Variants in U2SURP observed in about 807,000 individuals in gnomAD.
U2SURP encodes U2 snRNP-associated SURP motif-containing protein.
In U2SURP, 9 loss-of-function variants were observed where a neutral mutation model predicts 144.9. The ratio of observed to expected loss-of-function variants is 0.06; its 90% CI spans 0.04 to 0.11. U2SURP has a LOEUF of 0.11. Ranked by LOEUF, U2SURP falls within the 10% of genes least tolerant of loss-of-function variation. The probability of loss-of-function intolerance (pLI) is 1.00; values close to 1 mark genes in which losing one functional copy is unlikely to be tolerated. For synonymous variants in U2SURP, 408 were observed against 396.8 expected, an observed-to-expected ratio of 1.03 and a Z score of -0.33; for missense variants, 724 against 1,226.7, an observed-to-expected ratio of 0.59 and a Z score of 6.12.
chr3:143,011,001 T>G, intron 2 of U2SURP, 142 bp downstream of exon 2: 1,966 of 492,352 alleles, frequency 4.0e-3, no homozygotes, highest in Middle Eastern at 8.2e-3. Context: ...TCTAGGCGCC[T>G]TCCTTTTTTT....
Position 143,053,754 on chromosome 3 carries a change from A to G in U2SURP, c.2734A>G (p.Lys912Glu). The G allele has an allele frequency of 1.9e-6, 3 of 1,609,280 alleles. No homozygotes were observed. Among genetic ancestry groups the G allele is most frequent in the Non-Finnish European group, 2.5e-6 (3 of 1,177,986 alleles). ...AAAATTGGAATCTCGCTCCAAAGAC[A>G]AGAAGGAAAAAGATGAGTGTACTCC... ...KEKLESRSKD[K>E]KEKDECTPTR... Residue 912 changes from lysine (K) to glutamate (E), a missense_variant, in exon 26 of 28, where the codon AAG becomes GAG. By Grantham distance (56) the Lys-to-Glu change is moderately conservative (BLOSUM62 1). Coordinates refer to ENST00000473835, the MANE Select transcript of U2SURP (RefSeq NM_001080415.2).
intron 26 of U2SURP, among the ~76,000 whole-genome samples, 193 bp downstream of exon 26, chr3:143,053,987 G>A (rs1373570027): frequency 3.9e-5 from 6 of 152,172 alleles, no homozygotes; most frequent in Admixed American, 1.3e-4. Context: ...GTTAACCAGG[G>A]CATCATCCCT....
chr3:143,056,804 A>G lies in U2SURP; in HGVS notation c.*354A>G, dbSNP rs1455513020. The G allele has an allele frequency of 2.1e-5, 4 of 188,376 alleles. No individual in the cohort carries two copies. Among genetic ancestry groups the G allele is most frequent in the South Asian group, 1.1e-4 (1 of 9,156 alleles). The allele number at this position is 188,376 out of a possible 1,614,324, so 11.7% of individuals were successfully genotyped here. A position where few individuals can be genotyped will look rare whatever the true frequency, so the allele number is the denominator to read the frequency against. On this transcript the variant is annotated 3_prime_UTR_variant, in exon 28 of 28. Transcript: ENST00000473835. ...CTTCCCCCCTTTTGTAGCTTTGACA[A>G]TTTGAATTAGATTTCAAATAAAATC...
At position 143,033,367 on chromosome 3, in the gene U2SURP, A is replaced by G. The variant is rs967720105; in HGVS notation, c.1853+17A>G. 1 of 1,278,218 alleles carries G rather than the reference A, an allele frequency of 7.8e-7. No homozygotes were observed. Among genetic ancestry groups the G allele is most frequent in the African/African-American group, 1.5e-5 (1 of 66,976 alleles). The allele number at this position is 1,278,218 out of a possible 1,614,324, so 79.2% of individuals were successfully genotyped here. ...TAGAAAATTGTAAGTATAATGATAT[A>G]ACTGATATTCCTGAAATAAAGTATT... is the stretch of plus-strand genomic sequence containing the variant. On this transcript the variant is annotated intron_variant, in intron 18 of 27. Transcript: ENST00000473835.
rs1025334931 is a variant in U2SURP at position 143,057,404 on chromosome 3, C to CCT, written c.*955_*956insTC. On this transcript the variant is annotated 3_prime_UTR_variant, in exon 28 of 28. Coordinates refer to ENST00000473835, the MANE Select transcript of U2SURP (RefSeq NM_001080415.2). ...TGTTTAAACAGCTTAGTTGGTCCCC[C>CCT]CCCACTCCCAAGAGACTTGGGTTTA... 2 of 151,304 alleles carry CCT rather than the reference C, an allele frequency of 1.3e-5. No homozygotes were observed. The highest frequency in any genetic ancestry group is 4.9e-5 in the African/African-American group (2 of 41,026). 9.4% of individuals were successfully genotyped at this position (151,304 alleles called of 1,614,324 possible). A position where few individuals can be genotyped will look rare whatever the true frequency, so the allele number is the denominator to read the frequency against.
At chr3:143,037,458 T>G in intron 21 of U2SURP, 123 bp downstream of exon 21, 1 of 937,168 alleles carries the variant, frequency 1.1e-6, no homozygotes, top group Non-Finnish European at 1.5e-6. Flanking sequence ...AGTTATTAAC[T>G]TTTCTATTTC....
chr3:143,020,228 C>T (rs1438966867), intron 7 of U2SURP, among the ~76,000 whole-genome samples, 192 bp downstream of exon 7: 1 of 152,174 alleles, frequency 6.6e-6, no homozygotes, highest in African/African-American at 2.4e-5. Flanking sequence ...ACCTGGGTTG[C>T]TTGCATTACG....
chr3:143,033,162 G>T (rs1933600266), intron 17 of U2SURP, 109 bp from the exon 18 acceptor site: 5 of 824,666 alleles, frequency 6.1e-6, no homozygotes, highest in South Asian at 3.6e-5. Context: ...AGTCATAGTT[G>T]TGGTGATACT....
Position 143,058,441 on chromosome 3 carries a change from A to T in U2SURP, c.*1991A>T, listed in dbSNP as rs972986837. 6.6e-6 allele frequency: 1 copy of T among 151,858 alleles called. No homozygotes were observed. Among genetic ancestry groups the T allele is most frequent in the African/African-American group, 2.4e-5 (1 of 41,410 alleles). The allele number at this position is 151,858 out of a possible 1,614,324, so 9.4% of individuals were successfully genotyped here. ...CAGTTCTTTTTTTCTGGATCCAGAT[A>T]CAAGTGTCATGGTTTATCTTACAGT... On this transcript the variant is annotated 3_prime_UTR_variant, in exon 28 of 28. Transcript: ENST00000473835.
At chr3:143,011,314 T>G (rs1276443159) in intron 2 of U2SURP, among the ~76,000 whole-genome samples, 1 of 152,178 alleles carries the variant, frequency 6.6e-6, no homozygotes, top group Non-Finnish European at 1.5e-5. Flanking sequence ...ATTTTTTGTT[T>G]AAAGCTTTCA....
chr3:143,038,059 C>G, intron 21 of U2SURP, 49 bp from the exon 22 acceptor site: 2 of 1,359,274 alleles, frequency 1.5e-6, no homozygotes, highest in Non-Finnish European at 2.0e-6. Context: ...TGTAATACTT[C>G]GGGTCATCCA....
At chr3:143,006,189 A>G (rs569124102) in intron 1 of U2SURP, among the ~76,000 whole-genome samples, 5 of 152,326 alleles carry the variant, frequency 3.3e-5, no homozygotes, top group Admixed American at 6.5e-5. Flanking sequence ...TTAAAAAATC[A>G]TCTTAGGTTT....
At chr3:143,008,865 A>G (rs577084482) in intron 1 of U2SURP, among the ~76,000 whole-genome samples, 1 of 152,312 alleles carries the variant, frequency 6.6e-6, no homozygotes, top group African/African-American at 2.4e-5. Context: ...TCCCGGGTTC[A>G]CACCATTCTC....
intron 24 of U2SURP, among the ~76,000 whole-genome samples, chr3:143,047,520 G>A (rs1437857463): frequency 2.7e-5 from 1 of 37,228 alleles, no homozygotes; most frequent in African/African-American, 1.2e-4. Flanking sequence ...CAGTAGGGGC[G>A]GCCGGGCAGA....
In U2SURP at chr3:143,020,786, G is replaced by T. The variant is rs1578128792; in HGVS notation, c.733+93G>T. On this transcript the variant is annotated intron_variant, in intron 8 of 27. Transcript: ENST00000473835. ...GGGTTACATTCCAAGGATCACCAGT[G>T]GATGTCTGAAACCATGGATATATAC... The T allele has an allele frequency of 3.2e-6, 3 of 931,418 alleles. No homozygotes were observed. The East Asian group carries it at 7.8e-5, about 24-fold the overall frequency. 57.7% of individuals were successfully genotyped at this position (931,418 alleles called of 1,614,324 possible). A position where few individuals can be genotyped will look rare whatever the true frequency, so the allele number is the denominator to read the frequency against.
At chr3:143,056,139 AAAT>A (rs1399447783) in intron 27 of U2SURP, among the ~76,000 whole-genome samples, 170 bp from the exon 28 acceptor site, 5 of 152,138 alleles carry the variant, frequency 3.3e-5, no homozygotes, top group Non-Finnish European at 7.4e-5. Context: ...AGTAAGTACA[AAAT>A]AATCTGTGTG....
At chr3:143,020,826 C>A in intron 8 of U2SURP, 133 bp downstream of exon 8, 1 of 639,344 alleles carries the variant, frequency 1.6e-6, no homozygotes, top group East Asian at 2.8e-5. Context: ...CTTTTCCTTA[C>A]ACATTCATAG....
chr3:143,041,697 T>C (rs957944154), intron 23 of U2SURP, among the ~76,000 whole-genome samples: 33 of 152,144 alleles, frequency 2.2e-4, no homozygotes, highest in African/African-American at 7.0e-4. Context: ...AGAATTTGAT[T>C]ATAACTTTTT....
At chr3:143,010,640 A>C (rs1239484282) in intron 1 of U2SURP, among the ~76,000 whole-genome samples, 175 bp from the exon 2 acceptor site, 1 of 152,196 alleles carries the variant, frequency 6.6e-6, no homozygotes, top group Non-Finnish European at 1.5e-5. Context: ...AATGACTTAC[A>C]CATTTACTTT....
Sources: gnomAD v4.1 joint callset for allele counts (sites outside exome capture counted in the v4.1 genomes callset) on GRCh38, gnomAD v4.1.1 for gene constraint, MANE v1.5 for transcripts, NCBI Gene and HGNC (gene_info 2026-07-23, HGNC 2026-07-21) for gene names.